Variants in CAMK2G observed in about 807,000 individuals in gnomAD.
CAMK2G encodes the protein calcium/calmodulin-dependent protein kinase type II subunit gamma.
Under a neutral mutation model 88.7 loss-of-function variants are expected in CAMK2G, and 23 were observed. The observed-to-expected ratio is 0.26, with a 90% CI of 0.19 to 0.37. The LOEUF (loss-of-function observed/expected upper bound fraction) is 0.37, where lower values mean the gene tolerates loss of function less well. Among genes scored for constraint, CAMK2G ranks in the 10% least tolerant of loss-of-function variants. CAMK2G has a pLI of 1.00. For missense variants in CAMK2G, 476 were observed against 780.8 expected (o/e 0.61, Z 4.65); for synonymous variants, 263 against 294.8 (o/e 0.89, Z 1.11).
intron 4 of CAMK2G, 68 bp downstream of exon 4, chr10:73,853,124 C>G: frequency 6.8e-7 from 1 of 1,476,118 alleles, no homozygotes; most frequent in Non-Finnish European, 9.5e-7. Context: ...GTTTAGGCCT[C>G]TTCCTGAGCC....
At chr10:73,871,658 A>G (rs1312083289) in intron 2 of CAMK2G, among the ~76,000 whole-genome samples, 1 of 150,982 alleles carries the variant, frequency 6.6e-6, no homozygotes, top group African/African-American at 2.4e-5. Context: ...GACTGCCCAC[A>G]TATCTCTATG....
chr10:73,845,670 G>A (rs779354296), intron 10 of CAMK2G, among the ~76,000 whole-genome samples: 5 of 151,202 alleles, frequency 3.3e-5, no homozygotes, highest in South Asian at 2.1e-4. Flanking sequence ...ACAACTCTCC[G>A]CTCAACTTGA....
intron 14 of CAMK2G, chr10:73,837,174 C>T: frequency 2.5e-6 from 1 of 404,792 alleles, no homozygotes; most frequent in South Asian, 3.9e-5. Flanking sequence ...AGAGTCAAGC[C>T]CTGGAGATGA....
intron 10 of CAMK2G, among the ~76,000 whole-genome samples, chr10:73,843,444 T>C (rs1466942050): frequency 2.0e-5 from 3 of 152,166 alleles, no homozygotes; most frequent in African/African-American, 7.2e-5. Context: ...TGGGACACAG[T>C]CTACACTTCC....
chr10:73,832,742 T>C (rs1348993533), intron 14 of CAMK2G, among the ~76,000 whole-genome samples: 1 of 152,210 alleles, frequency 6.6e-6, no homozygotes, highest in Non-Finnish European at 1.5e-5. Context: ...CCCATAATTA[T>C]TTAGTCATTT....
At chr10:73,826,855 C>T (rs1030478573) in intron 15 of CAMK2G, among the ~76,000 whole-genome samples, 10 of 152,168 alleles carry the variant, frequency 6.6e-5, no homozygotes, top group African/African-American at 2.2e-4. Context: ...CTCAGACATC[C>T]CCAAACCCAG....
At chr10:73,817,385 A>G (rs1018844345) in intron 20 of CAMK2G, 94 bp downstream of exon 20, 1 of 986,750 alleles carries the variant, frequency 1.0e-6, no homozygotes. Context: ...CCAAGGTCCA[A>G]CCTCCCTTTC....
intron 20 of CAMK2G, 83 bp from the exon 21 acceptor site, chr10:73,817,200 T>C: frequency 6.5e-7 from 1 of 1,526,744 alleles, no homozygotes; most frequent in Non-Finnish European, 8.8e-7. Context: ...GTCTATCCAG[T>C]AGCAGCAGGC....
intron 3 of CAMK2G, 44 bp from the exon 4 acceptor site, chr10:73,853,290 T>C (rs781549753): frequency 3.8e-6 from 6 of 1,574,814 alleles, no homozygotes; most frequent in Middle Eastern, 1.7e-4. Context: ...GAGAGAAAAC[T>C]TGGAAATCCT....
chr10:73,825,287 T>A lies in CAMK2G; in HGVS notation c.1147A>T (p.Thr383Ser), dbSNP rs1412885933. Residue 383 changes from threonine to serine, a missense_variant, in exon 16 of 23, where the codon ACG becomes TCG. Coordinates refer to ENST00000423381, the MANE Select transcript of CAMK2G (RefSeq NM_001367534.1). Reference sequence around the variant, plus strand: ...CTGTAGTCAGGAGGTACCATGGCCGTCTGCAAGGGCGCGGGCTCTTGGGCT... The same window carrying A: ...CTGTAGTCAGGAGGTACCATGGCCGACTGCAAGGGCGCGGGCTCTTGGGCT... ...SPAQEPAPLQ[T>S]AMEPQTTVVH... 1.2e-6 allele frequency: 2 copies of A among 1,613,000 alleles called. No homozygotes were observed. The highest frequency in any genetic ancestry group is 8.5e-7 in the Non-Finnish European group (1 of 1,178,992).
chr10:73,817,436 G>T, intron 20 of CAMK2G, 43 bp downstream of exon 20: 1 of 1,323,386 alleles, frequency 7.6e-7, no homozygotes, highest in Non-Finnish European at 1.1e-6. Context: ...GGAAGGCCTT[G>T]GGAGATGACT....
At chr10:73,835,113 C>T (rs1489358412) in intron 14 of CAMK2G, among the ~76,000 whole-genome samples, 2 of 152,130 alleles carry the variant, frequency 1.3e-5, no homozygotes, top group Non-Finnish European at 2.9e-5. Flanking sequence ...CATCTCCTTC[C>T]AGAAGATTCC....
At chr10:73,821,376 T>C (rs1434405093) in intron 18 of CAMK2G, among the ~76,000 whole-genome samples, 3 of 152,174 alleles carry the variant, frequency 2.0e-5, no homozygotes, top group Non-Finnish European at 4.4e-5. Flanking sequence ...GGGGTACCCC[T>C]GTTCTTGGAT....
chr10:73,864,293 T>A (rs113092649), intron 2 of CAMK2G, among the ~76,000 whole-genome samples: 1,919 of 148,690 alleles, frequency 0.013, 42 homozygotes, highest in African/African-American at 0.044. Flanking sequence ...ACAGAGCAAG[T>A]CAAAAAAAAA....
chr10:73,820,246 A>T (rs2087441485), intron 18 of CAMK2G, among the ~76,000 whole-genome samples: 1 of 151,812 alleles, frequency 6.6e-6, no homozygotes, highest in Admixed American at 6.6e-5. Context: ...AGAGCAGGAC[A>T]GAGATTCCCG....
chr10:73,853,213 A>T lies in CAMK2G; in HGVS notation c.254T>A (p.Phe85Tyr), dbSNP rs1419364917. Residue 85 changes from phenylalanine (F) to tyrosine (Y), a missense_variant, in exon 4 of 23, where the codon TTT becomes TAT. Physicochemically the swap from Phe to Tyr is conservative, Grantham distance 22. This residue lies in a region of CAMK2G where 164 missense variants were observed against 385.6 expected (regional missense o/e 0.43). Coordinates refer to ENST00000423381, the MANE Select transcript of CAMK2G (RefSeq NM_001367534.1). ...TTACAGGTCAAACACGAGGTAGTGA[A>T]ACCCTTCTTCAGAAATACTGTCATG... ...RLHDSISEEGFHYLVFDLVTG... is the reference protein window; with the variant it reads ...RLHDSISEEGYHYLVFDLVTG... 2.5e-6 allele frequency: 4 copies of T among 1,614,166 alleles called. No homozygotes were observed. Among genetic ancestry groups the T allele is most frequent in the Non-Finnish European group, 3.4e-6 (4 of 1,179,972 alleles).
chr10:73,863,754 G>C lies in CAMK2G; in HGVS notation c.161-2865C>G, dbSNP rs895776085. On this transcript the variant is annotated intron_variant, in intron 2 of 22. Coordinates refer to ENST00000423381, the MANE Select transcript of CAMK2G (RefSeq NM_001367534.1). ...CTTTACCAGTGACTTTGAGTGGAGA[G>C]AAGATACACAGACTCAGGCTCCCAG... Among the ~76,000 whole-genome samples the C allele has an allele frequency of 3.3e-5, 5 of 152,218 alleles. No individual in the cohort carries two copies. In the East Asian group the frequency reaches 9.6e-4, roughly 29 times the overall value.
chr10:73,861,408 T>C (rs1427965422), intron 2 of CAMK2G, among the ~76,000 whole-genome samples: 1 of 152,144 alleles, frequency 6.6e-6, no homozygotes, highest in East Asian at 1.9e-4. Flanking sequence ...CAGGCTGGGG[T>C]GCAGTGGTGT....
chr10:73,825,177 AG>A (rs2090486684), intron 16 of CAMK2G, 101 bp downstream of exon 16: 1 of 839,606 alleles, frequency 1.2e-6, no homozygotes, highest in East Asian at 2.4e-5. Flanking sequence ...GGACCAAGAA[AG>A]GAACAGGCCA....
Sources: allele counts gnomAD v4.1 joint callset (sites outside exome capture counted in the v4.1 genomes callset), GRCh38; gene constraint gnomAD v4.1.1; regional missense constraint gnomAD v4.1.1; transcripts MANE v1.5; gene names NCBI Gene and HGNC (gene_info 2026-07-23, HGNC 2026-07-21).